Variants in FABP12 observed in about 807,000 individuals in gnomAD.
FABP12 encodes the protein fatty acid binding protein 12, also known as fatty acid-binding protein 12.
A neutral mutation model predicts 13.7 loss-of-function variants in FABP12; 19 were observed. That is an observed-to-expected ratio of 1.39 (90% CI 0.97 to 2.04). The LOEUF (loss-of-function observed/expected upper bound fraction) is 2.04, where lower values mean the gene tolerates loss of function less well. Among genes scored for constraint, FABP12 ranks in the 30% most tolerant of loss-of-function variants. FABP12 has a pLI of 0.00. For missense variants in FABP12, 182 were observed against 164.2 expected, an observed-to-expected ratio of 1.11 and a Z score of -0.59; for synonymous variants, 61 against 57.0, an observed-to-expected ratio of 1.07 and a Z score of -0.32.
chr8:81,573,709 G>C (rs1199657715), intron 1 of FABP12, among the ~76,000 whole-genome samples: 1 of 151,894 alleles, frequency 6.6e-6, no homozygotes, highest in Non-Finnish European at 1.5e-5. Context: ...TTTGTCTTTT[G>C]CAGTTATTGT....
chr8:81,553,715 A>C (rs1809562116), intron 1 of FABP12, among the ~76,000 whole-genome samples: 1 of 152,182 alleles, frequency 6.6e-6, no homozygotes, highest in Non-Finnish European at 1.5e-5. Flanking sequence ...CATAAGTTTT[A>C]GTTTCTGTGC....
intron 1 of FABP12, among the ~76,000 whole-genome samples, chr8:81,558,659 A>G (rs1039901893): frequency 4.6e-5 from 7 of 152,086 alleles, no homozygotes; most frequent in Admixed American, 1.3e-4. Flanking sequence ...TGGGAGGCCG[A>G]GGCGGGCAGA....
intron 1 of FABP12, among the ~76,000 whole-genome samples, chr8:81,543,118 A>T (rs1197080367): frequency 6.6e-6 from 1 of 152,214 alleles, no homozygotes; most frequent in Non-Finnish European, 1.5e-5. Context: ...AAAAATTACA[A>T]TGAAATATCC....
chr8:81,571,324 T>A (rs900928671), intron 1 of FABP12, among the ~76,000 whole-genome samples: 1 of 152,180 alleles, frequency 6.6e-6, no homozygotes, highest in Non-Finnish European at 1.5e-5. Context: ...AACTTGGGCC[T>A]TGAGTAGCTG....
rs1217492370 is a variant in FABP12, at chr8:81,529,605, C to G, written c.79G>C (p.Gly27Arg). 4 of 1,612,436 alleles carry G rather than the reference C, an allele frequency of 2.5e-6. No individual in the cohort carries two copies. In the Admixed American group the frequency reaches 6.7e-5, roughly 27 times the overall value. The change falls in exon 3 of 5, where the codon GGA becomes CGA. Residue 27 changes from glycine to arginine, a missense_variant. By Grantham distance (125) the Gly-to-Arg change is moderately radical. Transcript: ENST00000360464. The stretch of plus-strand genomic sequence containing the variant: ...CGGCCCAGTTTCCTGCTGGCTCTTC[C>G]TATACCTGGAAACCAGATAAAAGGA...
At chr8:81,588,841 A>T (rs1300165517) in intron 1 of FABP12, among the ~76,000 whole-genome samples, 1 of 152,220 alleles carries the variant, frequency 6.6e-6, no homozygotes, top group Non-Finnish European at 1.5e-5. Flanking sequence ...GGAGAAACAA[A>T]GAGGTGCAGT....
chr8:81,529,436 A>G lies in FABP12; in HGVS notation c.246+2T>C, dbSNP rs1809000038. 1 of 1,613,606 alleles carries G rather than the reference A, an allele frequency of 6.2e-7. No homozygotes were observed. Among genetic ancestry groups the G allele is most frequent in the Admixed American group, 1.7e-5 (1 of 59,996 alleles). On this transcript the variant is annotated splice_donor_variant, in intron 3 of 4. Coordinates refer to ENST00000360464, the Ensembl canonical transcript of FABP12. LOFTEE classifies it high-confidence loss of function. Reference sequence around the variant, plus strand: ...TGTCTGAAAGACTGTCGTAGGCCTCACCTTTGTTTTGTGGCCACCTGGCGT... The same window carrying G: ...TGTCTGAAAGACTGTCGTAGGCCTCGCCTTTGTTTTGTGGCCACCTGGCGT...
At chr8:81,585,251 G>T (rs750281941) in intron 1 of FABP12, among the ~76,000 whole-genome samples, 24 of 152,130 alleles carry the variant, frequency 1.6e-4, no homozygotes, top group Admixed American at 5.2e-4. Flanking sequence ...GTGATTTGCC[G>T]CTTTTTGTGT....
upstream of FABP12, among the ~76,000 whole-genome samples, chr8:81,536,097 A>G (rs187244298): frequency 1.3e-5 from 2 of 152,170 alleles, no homozygotes; most frequent in African/African-American, 4.8e-5. Context: ...ATGTGCTGCC[A>G]TCTGGCCCAG....
upstream of FABP12, among the ~76,000 whole-genome samples, chr8:81,538,648 C>T (rs1302852650): frequency 1.3e-5 from 2 of 152,042 alleles, no homozygotes; most frequent in African/African-American, 2.4e-5. Context: ...AAAGATTCTC[C>T]CCCAGAGCCT....
chr8:81,587,982 G>A, intron 1 of FABP12, among the ~76,000 whole-genome samples: 1 of 152,140 alleles, frequency 6.6e-6, no homozygotes, highest in East Asian at 1.9e-4. Flanking sequence ...GGAGTGTGAT[G>A]TTCAAGGTCA....
At chr8:81,546,507 A>T (rs1480431032) in intron 1 of FABP12, among the ~76,000 whole-genome samples, 5 of 151,378 alleles carry the variant, frequency 3.3e-5, no homozygotes, top group Non-Finnish European at 7.4e-5. Flanking sequence ...CAAAAAAAAA[A>T]AAAAAAGTAG....
chr8:81,575,632 G>T (rs1810028362), intron 1 of FABP12, among the ~76,000 whole-genome samples: 5 of 152,138 alleles, frequency 3.3e-5, no homozygotes. Context: ...AAACTTGGGA[G>T]CTCCAGTGTT....
chr8:81,589,973 T>C (rs541398386), intron 1 of FABP12, among the ~76,000 whole-genome samples: 17 of 152,352 alleles, frequency 1.1e-4, no homozygotes, highest in African/African-American at 4.1e-4. Flanking sequence ...TTTACACATA[T>C]ATAATCAGTT....
At chr8:81,545,635 C>G (rs1809423361) in intron 1 of FABP12, among the ~76,000 whole-genome samples, 1 of 152,184 alleles carries the variant, frequency 6.6e-6, no homozygotes. Context: ...ACAGTCACCT[C>G]TCACAATGTA....
At chr8:81,569,582 T>C (rs1228263129) in intron 1 of FABP12, among the ~76,000 whole-genome samples, 3 of 152,266 alleles carry the variant, frequency 2.0e-5, no homozygotes, top group African/African-American at 7.2e-5. Context: ...TCTGTATCTC[T>C]CATCAAAACA....
intron 1 of FABP12, among the ~76,000 whole-genome samples, chr8:81,573,986 T>C (rs1355386033): frequency 6.6e-6 from 1 of 152,206 alleles, no homozygotes; most frequent in Non-Finnish European, 1.5e-5. Context: ...CTTCCAGTAC[T>C]ATGTTGAAGA....
intron 2 of FABP12, among the ~76,000 whole-genome samples, chr8:81,530,859 A>G (rs1057210963): frequency 6.6e-5 from 10 of 152,326 alleles, no homozygotes; most frequent in Admixed American, 1.3e-4. Flanking sequence ...TTGCTGGCAC[A>G]CACTAAGGAA....
At chr8:81,570,949 C>T (rs549128355) in intron 1 of FABP12, among the ~76,000 whole-genome samples, 1 of 152,052 alleles carries the variant, frequency 6.6e-6, no homozygotes, top group Non-Finnish European at 1.5e-5. Flanking sequence ...GGACCCACCC[C>T]CTTCTGCCCA....
Sources: allele counts gnomAD v4.1 joint callset (sites outside exome capture counted in the v4.1 genomes callset), GRCh38; gene constraint gnomAD v4.1.1; transcripts MANE v1.5; gene names NCBI Gene and HGNC (gene_info 2026-07-23, HGNC 2026-07-21).